TSPY9: variants seen among roughly 807,000 people sequenced by gnomAD.
TSPY9 encodes testis-specific Y-encoded protein 9.
At chrY:9,488,194 GTC>G in the TSPY9 span, among the ~76,000 whole-genome samples, 40 of 32,778 alleles carry the variant, frequency 1.2e-3, no homozygotes, top group Admixed American at 4.3e-3. Context: ...ACACCAGCAA[GTC>G]TCTGCAAATC....
Sources: allele counts gnomAD v4.1 joint callset (sites outside exome capture counted in the v4.1 genomes callset), GRCh38; gene constraint gnomAD v4.1.1; transcripts MANE v1.5; gene names NCBI Gene and HGNC (gene_info 2026-07-23, HGNC 2026-07-21).